Variants in CCDC73 observed in about 807,000 individuals in gnomAD.
The protein encoded by CCDC73 is coiled-coil domain containing 73.
Under a neutral mutation model 116.5 loss-of-function variants are expected in CCDC73, and 95 were observed. The ratio of observed to expected loss-of-function variants is 0.82; its 90% CI spans 0.69 to 0.97. The LOEUF (loss-of-function observed/expected upper bound fraction) is 0.97, where lower values mean the gene tolerates loss of function less well. Among genes scored for constraint, CCDC73 ranks in the 50% least tolerant of loss-of-function variants. The pLI is 0.00. For synonymous variants in CCDC73, 398 were observed against 401.3 expected (o/e 0.99, Z 0.10); for missense variants, 1,066 against 1,206.8 (o/e 0.88, Z 1.73).
intron 14 of CCDC73, among the ~76,000 whole-genome samples, chr11:32,627,501 T>C (rs980183235): frequency 2.0e-5 from 3 of 152,248 alleles, no homozygotes; most frequent in African/African-American, 4.8e-5. Context: ...AAGCATGCTG[T>C]TATAAAGACA....
chr11:32,700,774 A>T lies in CCDC73; in HGVS notation c.315+17T>A, dbSNP rs11031943. On this transcript the variant is annotated intron_variant, in intron 5 of 17. Transcript: ENST00000335185. ...TACTTTTTAATAGACAGAAAATTTT[A>T]AAAAAATTATAAATACCTTTTCTTC... The T allele has an allele frequency of 0.27, 346,468 of 1,302,992 alleles. 53,735 individuals carry two copies. Among genetic ancestry groups the T allele is most frequent in the East Asian group, 0.8 (31,007 of 38,848 alleles). The allele number at this position is 1,302,992 out of a possible 1,614,324, so 80.7% of individuals were successfully genotyped here. A position where few individuals can be genotyped will look rare whatever the true frequency, so the allele number is the denominator to read the frequency against.
chr11:32,607,461 C>CT (rs1855369648), intron 17 of CCDC73, among the ~76,000 whole-genome samples: 1 of 152,160 alleles, frequency 6.6e-6, no homozygotes, highest in African/African-American at 2.4e-5. Flanking sequence ...AAGAACTCCC[C>CT]TATTAGATTA....
At chr11:32,784,621 T>C (rs773636655) in intron 1 of CCDC73, among the ~76,000 whole-genome samples, 3 of 152,148 alleles carry the variant, frequency 2.0e-5, no homozygotes, top group Non-Finnish European at 4.4e-5. Flanking sequence ...TATTTAAAGA[T>C]ATGGAAGTAA....
In CCDC73 at chr11:32,744,584, G is replaced by T. The variant is rs532438335; in HGVS notation, c.135+15525C>A. Among the ~76,000 whole-genome samples, 4 of 152,260 alleles carry T rather than the reference G, an allele frequency of 2.6e-5. No individual in the cohort carries two copies. The East Asian group carries it at 7.7e-4, about 29-fold the overall frequency. ...TCCATTAATTATTGCCTTAATTTCAGAATCTGTTATTGGTCTATTCAGAGA... is the reference window on the plus strand; with the variant it reads ...TCCATTAATTATTGCCTTAATTTCATAATCTGTTATTGGTCTATTCAGAGA... On this transcript the variant is annotated intron_variant, in intron 2 of 17. Transcript: ENST00000335185.
chr11:32,823,683 A>G, the CCDC73 span, among the ~76,000 whole-genome samples: 2 of 152,088 alleles, frequency 1.3e-5, no homozygotes, highest in African/African-American at 4.8e-5. Flanking sequence ...ATATCACCTG[A>G]TAACACAGGA....
At chr11:32,650,856 G>T (rs1159850847) in intron 12 of CCDC73, among the ~76,000 whole-genome samples, 1 of 152,074 alleles carries the variant, frequency 6.6e-6, no homozygotes, top group Non-Finnish European at 1.5e-5. Flanking sequence ...TAATTTGTTG[G>T]GCCTGGTACA....
chr11:32,663,725 G>A (rs1198861673), intron 9 of CCDC73, among the ~76,000 whole-genome samples: 1 of 152,156 alleles, frequency 6.6e-6, no homozygotes, highest in Non-Finnish European at 1.5e-5. Context: ...TGTTGAATAG[G>A]AGTGGTGAGA....
At chr11:32,681,442 C>G (rs902041185) in intron 7 of CCDC73, 1 of 151,848 alleles carries the variant, frequency 6.6e-6, no homozygotes, top group Non-Finnish European at 1.5e-5. Flanking sequence ...AGGGGAGGTA[C>G]TTTTAGGGAT....
At chr11:32,637,935 C>T (rs1855697094) in intron 13 of CCDC73, among the ~76,000 whole-genome samples, 1 of 152,196 alleles carries the variant, frequency 6.6e-6, no homozygotes, top group South Asian at 2.1e-4. Context: ...ACCATAAATT[C>T]TACAGTTCTC....
chr11:32,767,039 C>G (rs928401627), intron 1 of CCDC73, among the ~76,000 whole-genome samples: 5 of 152,180 alleles, frequency 3.3e-5, no homozygotes, highest in Non-Finnish European at 7.3e-5. Flanking sequence ...AAGAACAAAG[C>G]TGGAGGCATC....
chr11:32,642,634 T>C (rs1245535538), intron 12 of CCDC73, among the ~76,000 whole-genome samples: 2 of 151,980 alleles, frequency 1.3e-5, no homozygotes, highest in African/African-American at 4.8e-5. Context: ...AATAAACTTA[T>C]AGAGTAAAAA....
At chr11:32,710,129 C>G (rs1361849067) in intron 3 of CCDC73, among the ~76,000 whole-genome samples, 1 of 152,076 alleles carries the variant, frequency 6.6e-6, no homozygotes, top group Non-Finnish European at 1.5e-5. Flanking sequence ...TTTTATTTAT[C>G]TTTCCAAAGA....
intron 1 of CCDC73, among the ~76,000 whole-genome samples, chr11:32,774,085 C>T (rs952429247): frequency 1.8e-4 from 28 of 152,100 alleles, no homozygotes; most frequent in Non-Finnish European, 3.8e-4. Flanking sequence ...CATTTTCAGC[C>T]CCATGCGTCA....
chr11:32,736,500 G>A (rs939370929), intron 2 of CCDC73, among the ~76,000 whole-genome samples: 8 of 152,170 alleles, frequency 5.3e-5, no homozygotes, highest in Non-Finnish European at 1.0e-4. Flanking sequence ...TCATCAAAAT[G>A]TCAGGAAACA....
chr11:32,611,357 T>C, intron 16 of CCDC73, 92 bp from the exon 17 acceptor site: 1 of 1,090,158 alleles, frequency 9.2e-7, no homozygotes, highest in Admixed American at 2.5e-5. Context: ...TGCTTTTGTA[T>C]TTAAAAAGCA....
At chr11:32,715,250 G>A (rs1849934164) in intron 3 of CCDC73, among the ~76,000 whole-genome samples, 1 of 152,104 alleles carries the variant, frequency 6.6e-6, no homozygotes, top group African/African-American at 2.4e-5. Flanking sequence ...TCTATGGTGT[G>A]AGTCCAATTA....
intron 14 of CCDC73, among the ~76,000 whole-genome samples, chr11:32,633,315 A>G (rs1318099000): frequency 6.6e-6 from 1 of 152,208 alleles, no homozygotes; most frequent in African/African-American, 2.4e-5. Flanking sequence ...AGAATGACAG[A>G]GGGGCATCAA....
At chr11:32,671,172 C>G (rs1168918341) in intron 9 of CCDC73, among the ~76,000 whole-genome samples, 2 of 152,078 alleles carry the variant, frequency 1.3e-5, no homozygotes, top group African/African-American at 4.8e-5. Context: ...AAATATTGCG[C>G]TCTTTTCTCC....
chr11:32,717,086 C>CA (rs1849952970), intron 3 of CCDC73, among the ~76,000 whole-genome samples: 1 of 152,218 alleles, frequency 6.6e-6, no homozygotes, highest in African/African-American at 2.4e-5. Flanking sequence ...ACAATCTGCA[C>CA]AACCTTTGGA....
Sources: allele counts gnomAD v4.1 joint callset (sites outside exome capture counted in the v4.1 genomes callset), GRCh38; gene constraint gnomAD v4.1.1; transcripts MANE v1.5; gene names NCBI Gene and HGNC (gene_info 2026-07-23, HGNC 2026-07-21).